Variants in NXPH1 observed in about 807,000 individuals in gnomAD.
NXPH1 encodes the protein neurexophilin-1.
NXPH1 carries 5 observed loss-of-function variants against 23.7 expected under a neutral mutation model. The observed-to-expected ratio is 0.21, with a 90% CI of 0.11 to 0.44. The LOEUF (loss-of-function observed/expected upper bound fraction) is 0.44. Ranked by LOEUF, NXPH1 falls within the 20% of genes least tolerant of loss-of-function variation. The probability of loss-of-function intolerance (pLI) is 0.99; values close to 1 mark genes in which losing one functional copy is unlikely to be tolerated. For missense variants in NXPH1, 324 were observed against 321.6 expected, an observed-to-expected ratio of 1.01 and a Z score of -0.06; for synonymous variants, 144 against 122.2, an observed-to-expected ratio of 1.18 and a Z score of -1.18.
chr7:8,479,110 T>C (rs1472351770), intron 2 of NXPH1, among the ~76,000 whole-genome samples: 1 of 152,096 alleles, frequency 6.6e-6, no homozygotes, highest in Admixed American at 6.6e-5. Flanking sequence ...TAATAACTGG[T>C]TAAACATATA....
At chr7:8,533,658 T>G (rs1817985783) in intron 2 of NXPH1, among the ~76,000 whole-genome samples, 2 of 152,300 alleles carry the variant, frequency 1.3e-5, no homozygotes, top group African/African-American at 4.8e-5. Context: ...TACAAAGAAC[T>G]GATACTATTA....
At chr7:8,550,237 T>A (rs1203750552) in intron 2 of NXPH1, among the ~76,000 whole-genome samples, 1 of 151,560 alleles carries the variant, frequency 6.6e-6, no homozygotes. Flanking sequence ...GGGATAGAGA[T>A]GACTTGGACA....
chr7:8,739,779 C>G (rs1253692012), intron 2 of NXPH1, among the ~76,000 whole-genome samples: 1 of 152,076 alleles, frequency 6.6e-6, no homozygotes, highest in Non-Finnish European at 1.5e-5. Context: ...CATCCTTATT[C>G]TATAAACTTT....
At position 8,751,998 on chromosome 7, in the gene NXPH1, A is replaced by C; in HGVS notation, c.*229A>C. ...ATCACAGATTTTGAATTCACACCTG[A>C]AGACATGCTCTCACATATAGAGGTA... On this transcript the variant is annotated 3_prime_UTR_variant, in exon 3 of 3. Coordinates refer to ENST00000405863, the MANE Select transcript of NXPH1 (RefSeq NM_152745.3). This position sits in a 1 kb window ranked among gnomAD's most constrained non-coding sequence, Gnocchi z 4.5. The C allele has an allele frequency of 2.0e-6, 1 of 503,944 alleles. No individual in the cohort carries two copies. Among genetic ancestry groups the C allele is most frequent in the Non-Finnish European group, 3.6e-6 (1 of 280,320 alleles). 31.2% of individuals were successfully genotyped at this position (503,944 alleles called of 1,614,324 possible). A position where few individuals can be genotyped will look rare whatever the true frequency, so the allele number is the denominator to read the frequency against.
chr7:8,531,989 G>T (rs1159244737), intron 2 of NXPH1, among the ~76,000 whole-genome samples: 2 of 152,124 alleles, frequency 1.3e-5, no homozygotes, highest in Admixed American at 1.3e-4. Flanking sequence ...CCCAAATGGA[G>T]GTACCCTCAA....
chr7:8,750,466 G>A (rs907317485), intron 2 of NXPH1, among the ~76,000 whole-genome samples: 5 of 152,028 alleles, frequency 3.3e-5, no homozygotes, highest in African/African-American at 1.2e-4. Flanking sequence ...CCCCTCAACA[G>A]GCTCTGGTGT....
chr7:8,690,124 C>A (rs560913491), intron 2 of NXPH1, among the ~76,000 whole-genome samples: 1 of 152,288 alleles, frequency 6.6e-6, no homozygotes, highest in South Asian at 2.1e-4. Flanking sequence ...TAGACTCATA[C>A]CCCTGTGGCA....
At chr7:8,735,562 C>T (rs959209352) in intron 2 of NXPH1, among the ~76,000 whole-genome samples, 2 of 152,176 alleles carry the variant, frequency 1.3e-5, no homozygotes, top group African/African-American at 4.8e-5. Context: ...AGGATTTTCA[C>T]ATTGATGTTC....
chr7:8,512,247 T>G (rs2128614157), intron 2 of NXPH1, among the ~76,000 whole-genome samples: 1 of 152,268 alleles, frequency 6.6e-6, no homozygotes, highest in South Asian at 2.1e-4. Flanking sequence ...CAACTGTTAT[T>G]TCAGTGGTTG....
intron 2 of NXPH1, among the ~76,000 whole-genome samples, chr7:8,729,054 T>G (rs1780104883): frequency 6.6e-6 from 1 of 152,270 alleles, no homozygotes; most frequent in African/African-American, 2.4e-5. Context: ...AACTTCTTCC[T>G]GGTTTAGTCT....
chr7:8,557,060 C>T (rs747797996), intron 2 of NXPH1, among the ~76,000 whole-genome samples: 2 of 151,638 alleles, frequency 1.3e-5, no homozygotes, highest in African/African-American at 2.4e-5. Flanking sequence ...GTTTCCTAGT[C>T]GATGACTACA....
chr7:8,479,043 T>A (rs927476670), intron 2 of NXPH1, among the ~76,000 whole-genome samples: 1 of 152,110 alleles, frequency 6.6e-6, no homozygotes, highest in African/African-American at 2.4e-5. Flanking sequence ...TCATAAGAAC[T>A]GGTGATAAGT....
At chr7:8,495,845 C>T (rs1817325135) in intron 2 of NXPH1, among the ~76,000 whole-genome samples, 1 of 152,024 alleles carries the variant, frequency 6.6e-6, no homozygotes, top group African/African-American at 2.4e-5. Context: ...GCAGGATAGA[C>T]ATGGCTGCCA....
chr7:8,462,622 T>C (rs1298320854), intron 2 of NXPH1, among the ~76,000 whole-genome samples: 1 of 152,222 alleles, frequency 6.6e-6, no homozygotes, highest in Non-Finnish European at 1.5e-5. Context: ...CAGTCTCCTA[T>C]TGATGAACAT....
intron 2 of NXPH1, among the ~76,000 whole-genome samples, chr7:8,744,656 C>A (rs1407664921): frequency 6.6e-6 from 1 of 152,188 alleles, no homozygotes; most frequent in African/African-American, 2.4e-5. Context: ...GATGGCATCA[C>A]CAGAATGACT....
At chr7:8,605,262 G>A (rs1819459759) in intron 2 of NXPH1, among the ~76,000 whole-genome samples, 3 of 152,086 alleles carry the variant, frequency 2.0e-5, no homozygotes, top group African/African-American at 7.2e-5. Flanking sequence ...AATGGCAAAG[G>A]CTAATACTCA....
intron 2 of NXPH1, among the ~76,000 whole-genome samples, chr7:8,468,778 T>G (rs1280233707): frequency 1.3e-5 from 2 of 152,074 alleles, no homozygotes; most frequent in Non-Finnish European, 2.9e-5. Context: ...TTATGATAGT[T>G]CAGTTCTTAG....
intron 2 of NXPH1, among the ~76,000 whole-genome samples, chr7:8,460,738 C>T (rs969893580): frequency 1.4e-4 from 21 of 152,288 alleles, no homozygotes; most frequent in Admixed American, 1.4e-3. Flanking sequence ...ACCACATGAG[C>T]CTTGCAACGG....
At position 8,459,166 on chromosome 7, in the gene NXPH1, C is replaced by T. The variant is rs148791657; in HGVS notation, c.54+23399C>T. On this transcript the variant is annotated intron_variant, in intron 2 of 2. Coordinates refer to ENST00000405863, the MANE Select transcript of NXPH1 (RefSeq NM_152745.3). ...GTCTCTGTGGTCTAATAATTTAATG[C>T]TTATCTAAGAATTTTAGTATTTTGC... is the stretch of plus-strand genomic sequence containing the variant. Among the ~76,000 whole-genome samples, 651 of 151,174 alleles carry T rather than the reference C, an allele frequency of 4.3e-3. 1 individual carries two copies. The highest frequency in any genetic ancestry group is 0.014 in the African/African-American group (589 of 41,186).
Sources: allele counts gnomAD v4.1 joint callset (sites outside exome capture counted in the v4.1 genomes callset), GRCh38; gene constraint gnomAD v4.1.1; non-coding constraint Gnocchi (gnomAD v3.1); transcripts MANE v1.5; gene names NCBI Gene and HGNC (gene_info 2026-07-23, HGNC 2026-07-21).